LIN28B: variants seen among roughly 807,000 people sequenced by gnomAD.
LIN28B encodes lin-28 RNA binding posttranscriptional regulator B, also known as protein lin-28 homolog B.
A neutral mutation model predicts 21.9 loss-of-function variants in LIN28B; 5 were observed. The observed-to-expected ratio is 0.23, with a 90% confidence interval of 0.12 to 0.48. The LOEUF (loss-of-function observed/expected upper bound fraction) is 0.48, where lower values mean the gene tolerates loss of function less well. LIN28B is among the 20% of genes least tolerant of loss of function. The pLI is 0.98. For missense variants in LIN28B, 245 were observed against 310.5 expected (o/e 0.79, Z 1.58); for synonymous variants, 109 against 111.3 (o/e 0.98, Z 0.13).
chr6:104,965,363 C>CA (rs766586979), intron 2 of LIN28B, among the ~76,000 whole-genome samples: 22 of 151,898 alleles, frequency 1.4e-4, no homozygotes, highest in Non-Finnish European at 2.9e-4. Flanking sequence ...CCGTCCCTAC[C>CA]AAAAAAATTA....
intron 2 of LIN28B, among the ~76,000 whole-genome samples, chr6:104,996,257 A>G (rs2114280577): frequency 6.6e-6 from 1 of 152,346 alleles, no homozygotes; most frequent in Admixed American, 6.5e-5. Context: ...AGAGGAATAT[A>G]GCAGGGCTAA....
chr6:104,955,451 A>G (rs1160496922), upstream of LIN28B, among the ~76,000 whole-genome samples: 2 of 152,178 alleles, frequency 1.3e-5, no homozygotes, highest in Non-Finnish European at 2.9e-5. Flanking sequence ...ATTAGTTTTC[A>G]TTAAACCTTT....
Position 104,957,273 on chromosome 6 carries a change from T to C in LIN28B, c.10+13T>C. The C allele has an allele frequency of 2.5e-6, 4 of 1,588,876 alleles. No individual in the cohort carries two copies. Among genetic ancestry groups the C allele is most frequent in the Non-Finnish European group, 2.6e-6 (3 of 1,157,854 alleles). On this transcript the variant is annotated intron_variant, in intron 1 of 3. Coordinates refer to ENST00000345080, the MANE Select transcript of LIN28B (RefSeq NM_001004317.4). ...AACATGGCCGAAGGTTAATTTTCTTTTCTATTGTTTTACTGTGAATTTCTT... is the reference window on the plus strand; with the variant it reads ...AACATGGCCGAAGGTTAATTTTCTTCTCTATTGTTTTACTGTGAATTTCTT...
chr6:105,015,316 G>A (rs1334793864), intron 2 of LIN28B, among the ~76,000 whole-genome samples: 3 of 152,048 alleles, frequency 2.0e-5, no homozygotes, highest in East Asian at 1.9e-4. Flanking sequence ...TTATCTTAAA[G>A]TCTACTTTTA....
intron 3 of LIN28B, among the ~76,000 whole-genome samples, chr6:105,077,764 A>G (rs113798189): frequency 0.021 from 3,200 of 152,272 alleles, 50 homozygotes; most frequent in Non-Finnish European, 0.035. Context: ...CATTTACTCT[A>G]TTGCTCTAAA....
chr6:105,015,619 G>T (rs561530934), intron 2 of LIN28B, among the ~76,000 whole-genome samples: 1 of 152,156 alleles, frequency 6.6e-6, no homozygotes, highest in South Asian at 2.1e-4. Context: ...TCTTTCTGCT[G>T]CTGTCTGTGT....
exon 2 of LIN28B, chr6:104,937,038 A>C (rs1322230661): frequency 6.6e-6 from 1 of 151,702 alleles, no homozygotes; most frequent in Non-Finnish European, 1.5e-5. Flanking sequence ...GCTGGTGTTG[A>C]ACTCCTGGGC....
intron 3 of LIN28B, among the ~76,000 whole-genome samples, chr6:104,951,556 CTG>C (rs1456583280): frequency 2.0e-5 from 3 of 151,882 alleles, no homozygotes; most frequent in African/African-American, 7.3e-5. Context: ...TTATTATCGA[CTG>C]TGGTTTTCTG....
intron 2 of LIN28B, among the ~76,000 whole-genome samples, chr6:104,995,236 A>C (rs1400478998): frequency 6.6e-6 from 1 of 152,226 alleles, no homozygotes; most frequent in African/African-American, 2.4e-5. Context: ...CCAAAGCAGT[A>C]ACACTGGAGA....
At chr6:105,054,898 C>T (rs983956949) in intron 3 of LIN28B, among the ~76,000 whole-genome samples, 3 of 150,678 alleles carry the variant, frequency 2.0e-5, no homozygotes, top group African/African-American at 7.3e-5. Context: ...AAAATTCACT[C>T]AGATATCTTT....
chr6:105,029,601 A>T (rs530191781), intron 3 of LIN28B, among the ~76,000 whole-genome samples: 60 of 152,310 alleles, frequency 3.9e-4, no homozygotes, highest in Non-Finnish European at 7.8e-4. Flanking sequence ...TGGAAATTTA[A>T]CAAGAAAGAC....
In LIN28B at chr6:105,003,473, T is replaced by C. The variant is rs928824342; in HGVS notation, c.199-22825T>C. On this transcript the variant is annotated intron_variant, in intron 2 of 3. Transcript: ENST00000345080. ...GGCAAAGGAAACAGTGAGGTGAGAT[T>C]AGATCTCTCTCTCTTTCTCTCCCTG... 4.6e-5 allele frequency among the ~76,000 whole-genome samples: 7 copies of C among 152,104 alleles called. 1 individual carries two copies. The highest frequency in any genetic ancestry group is 2.1e-4 in the South Asian group (1 of 4,818).
At chr6:104,991,826 C>T (rs1032278299) in intron 2 of LIN28B, among the ~76,000 whole-genome samples, 2 of 152,214 alleles carry the variant, frequency 1.3e-5, no homozygotes, top group Non-Finnish European at 2.9e-5. Context: ...GCCCGGCCAA[C>T]ACAGCGAAAC....
At chr6:104,958,053 A>C in intron 1 of LIN28B, 46 bp from the exon 2 acceptor site, 1 of 1,310,832 alleles carries the variant, frequency 7.6e-7, no homozygotes, top group Non-Finnish European at 1.0e-6. Flanking sequence ...TTGAATGCAC[A>C]TTGAATGGGA....
intron 2 of LIN28B, among the ~76,000 whole-genome samples, chr6:104,959,002 G>A (rs1769654665): frequency 6.6e-6 from 1 of 152,066 alleles, no homozygotes; most frequent in Admixed American, 6.5e-5. Flanking sequence ...AAATGTGCTG[G>A]TCTGCTACTT....
intron 2 of LIN28B, among the ~76,000 whole-genome samples, chr6:105,022,941 G>C (rs1169645378): frequency 1.3e-5 from 2 of 151,592 alleles, no homozygotes; most frequent in East Asian, 3.9e-4. Context: ...AGGAGAGATA[G>C]TAAGCAAAAA....
At chr6:104,940,640 T>G (rs1157825093) in intron 2 of LIN28B, 1 of 150,382 alleles carries the variant, frequency 6.6e-6, no homozygotes, top group Non-Finnish European at 1.5e-5. Flanking sequence ...TGCCGCCGGC[T>G]GACGCAGGGC....
chr6:105,013,739 AT>A (rs1770969869), intron 2 of LIN28B, among the ~76,000 whole-genome samples: 1 of 140,652 alleles, frequency 7.1e-6, no homozygotes, highest in Admixed American at 7.2e-5. Context: ...AAAAAAAAAA[AT>A]TTACATTTTG....
intron 3 of LIN28B, among the ~76,000 whole-genome samples, chr6:104,951,842 T>C (rs950646662): frequency 1.3e-5 from 2 of 152,126 alleles, no homozygotes; most frequent in Non-Finnish European, 2.9e-5. Context: ...GGCCACAGAT[T>C]GGTAAATAGG....
Sources: gnomAD v4.1 joint callset for allele counts (sites outside exome capture counted in the v4.1 genomes callset) on GRCh38, gnomAD v4.1.1 for gene constraint, MANE v1.5 for transcripts, NCBI Gene and HGNC (gene_info 2026-07-23, HGNC 2026-07-21) for gene names.